Variants in EXOSC3 observed in about 807,000 individuals in gnomAD.
EXOSC3 encodes exosome complex component RRP40.
A neutral mutation model predicts 25.1 loss-of-function variants in EXOSC3; 18 were observed. The ratio of observed to expected loss-of-function variants is 0.72; its 90% CI spans 0.50 to 1.06. The LOEUF (loss-of-function observed/expected upper bound fraction) is 1.06, where lower values mean the gene tolerates loss of function less well. Ranked by LOEUF, EXOSC3 falls within the 50% of genes least tolerant of loss-of-function variation. The pLI is 0.00. For synonymous variants in EXOSC3, 165 were observed against 132.2 expected (o/e 1.25, Z -1.70); for missense variants, 382 against 350.9 (o/e 1.09, Z -0.71).
rs2118973705 is a variant in EXOSC3, at chr9:37,779,983, T to C, written c.*696A>G. The C allele has an allele frequency of 6.6e-6, 1 of 152,354 alleles. No homozygotes were observed. Among genetic ancestry groups the C allele is most frequent in the South Asian group, 2.1e-4 (1 of 4,828 alleles). The allele number at this position is 152,354 out of a possible 1,614,324, so 9.4% of individuals were successfully genotyped here. A position where few individuals can be genotyped will look rare whatever the true frequency, so the allele number is the denominator to read the frequency against. ...TTTGGATTCAGAAATCCTCATAGTGTTATTTATATAATGATAAAACTCAAA... is the reference window on the plus strand; with the variant it reads ...TTTGGATTCAGAAATCCTCATAGTGCTATTTATATAATGATAAAACTCAAA... On this transcript the variant is annotated 3_prime_UTR_variant, in exon 4 of 4. Coordinates refer to ENST00000327304, the MANE Select transcript of EXOSC3 (RefSeq NM_016042.4).
chr9:37,784,876 C>A lies in EXOSC3; in HGVS notation c.169G>T (p.Ala57Ser). 6.2e-7 allele frequency: 1 copy of A among 1,606,808 alleles called. No individual in the cohort carries two copies. Among genetic ancestry groups the A allele is most frequent in the Non-Finnish European group, 8.5e-7 (1 of 1,176,688 alleles). Residue 57 changes from alanine to serine, a missense_variant, in exon 1 of 4, where the codon GCT (alanine) becomes TCT (serine). By Grantham distance (99) the Ala-to-Ser change is moderately conservative (BLOSUM62 1). Transcript: ENST00000327304. ...GAVERPLSLNARACSRVRVVC... is the reference protein window; with the variant it reads ...GAVERPLSLNSRACSRVRVVC... ...ACGCGCACCCGCGAGCACGCTCTAGCATTCAGGCTCAACGGTCGCTCCACT... is the reference window on the plus strand; with the variant it reads ...ACGCGCACCCGCGAGCACGCTCTAGAATTCAGGCTCAACGGTCGCTCCACT...
rs187539887 is a variant in EXOSC3 at position 37,784,360 on chromosome 9, A to T, written c.325-297T>A. 1.9e-4 allele frequency: 88 copies of T among 467,550 alleles called. No homozygotes were observed. In the East Asian group the frequency reaches 2.4e-3, roughly 13 times the overall value. The allele number at this position is 467,550 out of a possible 1,614,324, so 29.0% of individuals were successfully genotyped here. On this transcript the variant is annotated intron_variant, in intron 1 of 3. Transcript: ENST00000327304. ...ACCAAGGAAGCCCATTCCATAGACA[A>T]TTTTTTCTATATGAAATTCTTACCT...
Position 37,783,903 on chromosome 9 carries a change from C to G in EXOSC3, c.474+11G>C. ...GTTTGTTTCTTTGAAACCAAAGGCT[C>G]CCGTAATTACCTGCACATTTGGTCT... On this transcript the variant is annotated intron_variant, in intron 2 of 3. Transcript: ENST00000327304. 6.2e-7 allele frequency: 1 copy of G among 1,606,830 alleles called. No individual in the cohort carries two copies. Among genetic ancestry groups the G allele is most frequent in the Non-Finnish European group, 8.5e-7 (1 of 1,178,204 alleles).
rs1316932308 is a variant in EXOSC3 at position 37,780,507 on chromosome 9, A to AT, written c.*171dup. ...GAACAAAAAAAATGATTTTGCAATG[A>AT]TTTTCTCTCCCACAAAAGCGTGGGT... On this transcript the variant is annotated 3_prime_UTR_variant, in exon 4 of 4. Coordinates refer to ENST00000327304, the MANE Select transcript of EXOSC3 (RefSeq NM_016042.4). The AT allele has an allele frequency of 3.3e-6, 2 of 601,858 alleles. No homozygotes were observed. The highest frequency in any genetic ancestry group is 1.9e-5 in the African/African-American group (1 of 53,756). 37.3% of individuals were successfully genotyped at this position (601,858 alleles called of 1,614,324 possible). A position where few individuals can be genotyped will look rare whatever the true frequency, so the allele number is the denominator to read the frequency against.
At chr9:37,784,110 C>A in intron 1 of EXOSC3, 47 bp from the exon 2 acceptor site, 1 of 1,571,532 alleles carries the variant, frequency 6.4e-7, no homozygotes. Context: ...TGACAAGATA[C>A]CATTGGAAGA....
chr9:37,780,715 TTGATC>T lies in EXOSC3; in HGVS notation c.787_791del (p.Asp263LysfsTer14), dbSNP rs1397677919. The T allele has an allele frequency of 1.9e-6, 3 of 1,613,838 alleles. No homozygotes were observed. The highest frequency in any genetic ancestry group is 2.2e-5 in the East Asian group (1 of 44,886). On this transcript the variant is annotated frameshift_variant, in exon 4 of 4. Transcript: ENST00000327304. LOFTEE classifies it high-confidence loss of function. ...CCAATCTGGAGAAGATCTGTTTTCT[TTGATC>T]TGACGTCATGTGTTCACAAGCTTCT...
intron 3 of EXOSC3, 110 bp downstream of exon 3, chr9:37,781,874 ACT>A (rs1828603934): frequency 1.7e-6 from 2 of 1,195,060 alleles, no homozygotes; most frequent in Non-Finnish European, 1.2e-6. Flanking sequence ...CTGATTTCTA[ACT>A]CTGAGGAGAA....
At chr9:37,782,610 CCG>C (rs1828619963) in intron 2 of EXOSC3, among the ~76,000 whole-genome samples, 1 of 152,150 alleles carries the variant, frequency 6.6e-6, no homozygotes. Flanking sequence ...GGAAGGAACT[CCG>C]GCATGCAAAT....
rs557993345 is a variant in EXOSC3, at chr9:37,784,577, G to A, written c.324+144C>T. The A allele has an allele frequency of 2.3e-4, 208 of 897,484 alleles. 1 individual carries two copies. The highest frequency in any genetic ancestry group is 3.1e-4 in the Non-Finnish European group (186 of 606,982). The allele number at this position is 897,484 out of a possible 1,614,324, so 55.6% of individuals were successfully genotyped here. On this transcript the variant is annotated intron_variant, in intron 1 of 3. Coordinates refer to ENST00000327304, the MANE Select transcript of EXOSC3 (RefSeq NM_016042.4). ...TGTTCACGGTCCCTCTAAAGGACAT[G>A]CAGAAGTGGGCACAAGACTACGGTG...
Position 37,784,821 on chromosome 9 carries a change from C to T in EXOSC3, c.224G>A (p.Gly75Glu). The T allele has an allele frequency of 6.2e-7, 1 of 1,608,720 alleles. No individual in the cohort carries two copies. Among genetic ancestry groups the T allele is most frequent in the Non-Finnish European group, 8.5e-7 (1 of 1,178,200 alleles). Residue 75 changes from glycine (G) to glutamate (E), a missense_variant, in exon 1 of 4, where the codon GGG (glycine) becomes GAG (glutamate). Coordinates refer to ENST00000327304, the MANE Select transcript of EXOSC3 (RefSeq NM_016042.4). Reference sequence around the variant, plus strand: ...GCACTTGGTGACCAGCAGGCGGTCCCCACAGCGCCGAAGGCCCGGACCGCA... The same window carrying T: ...GCACTTGGTGACCAGCAGGCGGTCCTCACAGCGCCGAAGGCCCGGACCGCA... ...VVCGPGLRRC[G>E]DRLLVTKCGR...
Position 37,780,470 on chromosome 9 carries a change from CTT to C in EXOSC3, c.*207_*208del. 1.9e-6 allele frequency: 1 copy of C among 530,332 alleles called. No individual in the cohort carries two copies. Among genetic ancestry groups the C allele is most frequent in the South Asian group, 2.4e-5 (1 of 41,800 alleles). 32.9% of individuals were successfully genotyped at this position (530,332 alleles called of 1,614,324 possible). On this transcript the variant is annotated 3_prime_UTR_variant, in exon 4 of 4. Transcript: ENST00000327304. ...AACCCTAATACTGTTTTTTAGTAAA[CTT>C]TATTGTACCGAACAAAAAAAATGAT... is the stretch of plus-strand genomic sequence containing the variant.
At chr9:37,782,256 G>T in intron 2 of EXOSC3, 119 bp from the exon 3 acceptor site, 2 of 1,005,204 alleles carry the variant, frequency 2.0e-6, no homozygotes, top group Non-Finnish European at 2.9e-6. Flanking sequence ...GGGACTGACT[G>T]CACTATAGGA....
chr9:37,780,951 G>A, intron 3 of EXOSC3, 71 bp from the exon 4 acceptor site: 18 of 1,340,102 alleles, frequency 1.3e-5, no homozygotes, highest in Non-Finnish European at 1.7e-5. Context: ...CCTTTAGAAT[G>A]TGATTCCTTT....
Position 37,784,043 on chromosome 9 carries a change from G to A in EXOSC3, c.345C>T (p.Asp115=). The A allele has an allele frequency of 6.2e-7, 1 of 1,612,148 alleles. No individual in the cohort carries two copies. Among genetic ancestry groups the A allele is most frequent in the Non-Finnish European group, 8.5e-7 (1 of 1,179,298 alleles). The part of the protein sequence containing the change: ...QQKRYVPVKG[D]HVIGIVTAKS... ...TAGCTGTCACTATGCCAATCACATG[G>A]TCTCCTTTTACTGGAACATACTACA... is the stretch of plus-strand genomic sequence containing the variant. Residue 115 remains aspartate (D), a synonymous_variant, in exon 2 of 4, where the codon GAC becomes GAT. Transcript: ENST00000327304.
intron 1 of EXOSC3, chr9:37,784,352 C>T (rs1319154943): frequency 2.1e-6 from 1 of 475,308 alleles, no homozygotes; most frequent in Non-Finnish European, 3.7e-6. Context: ...AAGCCCATTC[C>T]ATAGACAATT....
Position 37,782,391 on chromosome 9 carries a change from T to C in EXOSC3, c.475-254A>G, listed in dbSNP as rs570436113. Among the ~76,000 whole-genome samples, 63 of 152,386 alleles carry C rather than the reference T, an allele frequency of 4.1e-4. 1 individual carries two copies. The highest frequency in any genetic ancestry group is 1.7e-3 in the South Asian group (8 of 4,830). On this transcript the variant is annotated intron_variant, in intron 2 of 3. Coordinates refer to ENST00000327304, the MANE Select transcript of EXOSC3 (RefSeq NM_016042.4). The stretch of plus-strand genomic sequence containing the variant: ...AGGCCAGAGAACACTAGGATTGCAC[T>C]GTCCAATATGGTAGATAGCCAATTG...
At chr9:37,784,122 A>G in intron 1 of EXOSC3, 59 bp from the exon 2 acceptor site, 1 of 1,540,596 alleles carries the variant, frequency 6.5e-7, no homozygotes, top group Non-Finnish European at 8.8e-7. Context: ...ATTGGAAGAT[A>G]CCTTCAGCAA....
chr9:37,780,412 T>G lies in EXOSC3; in HGVS notation c.*267A>C. 5.6e-6 allele frequency: 2 copies of G among 359,696 alleles called. No homozygotes were observed. Among genetic ancestry groups the G allele is most frequent in the East Asian group, 1.2e-4 (2 of 17,118 alleles). The allele number at this position is 359,696 out of a possible 1,614,324, so 22.3% of individuals were successfully genotyped here. On this transcript the variant is annotated 3_prime_UTR_variant, in exon 4 of 4. Transcript: ENST00000327304. ...CTGACCTCCAGTTAATTATGGAAGC[T>G]GTAGCAATTACTAAGGGAGTTAACT...
In EXOSC3 at chr9:37,780,485, CAAA is replaced by C. The variant is rs1358971269; in HGVS notation, c.*191_*193del. The C allele has an allele frequency of 3.5e-6, 2 of 571,316 alleles. No individual in the cohort carries two copies. Among genetic ancestry groups the C allele is most frequent in the African/African-American group, 1.9e-5 (1 of 53,058 alleles). 35.4% of individuals were successfully genotyped at this position (571,316 alleles called of 1,614,324 possible). On this transcript the variant is annotated 3_prime_UTR_variant, in exon 4 of 4. Coordinates refer to ENST00000327304, the MANE Select transcript of EXOSC3 (RefSeq NM_016042.4). ...TTTTAGTAAACTTTATTGTACCGAA[CAAA>C]AAAAATGATTTTGCAATGATTTTCT...
Sources: gnomAD v4.1 joint callset for allele counts (sites outside exome capture counted in the v4.1 genomes callset) on GRCh38, gnomAD v4.1.1 for gene constraint, MANE v1.5 for transcripts, NCBI Gene and HGNC (gene_info 2026-07-23, HGNC 2026-07-21) for gene names.